Variants in B4GALNT4 observed in about 807,000 individuals in gnomAD.
B4GALNT4 encodes the protein N-acetyl-beta-glucosaminyl-glycoprotein 4-beta-N-acetylgalactosaminyltransferase 1.
B4GALNT4 carries 77 observed loss-of-function variants against 110.0 expected under a neutral mutation model. The observed-to-expected ratio is 0.70, with a 90% CI of 0.58 to 0.85. B4GALNT4 has a LOEUF of 0.85. Ranked by LOEUF, B4GALNT4 falls within the 40% of genes least tolerant of loss-of-function variation. The pLI, the probability that B4GALNT4 is intolerant of heterozygous loss-of-function variation, is 0.00. For synonymous variants in B4GALNT4, 785 were observed against 655.5 expected, an observed-to-expected ratio of 1.20 and a Z score of -3.02; for missense variants, 1,575 against 1,506.0, an observed-to-expected ratio of 1.05 and a Z score of -0.76.
At chr11:371,719 CT>C (rs1846621729) in intron 1 of B4GALNT4, among the ~76,000 whole-genome samples, 1 of 152,238 alleles carries the variant, frequency 6.6e-6, no homozygotes, top group Non-Finnish European at 1.5e-5. Context: ...AGAGAAAGTG[CT>C]GAGGGCACAG....
chr11:380,182 G>A lies in B4GALNT4; in HGVS notation c.2695G>A (p.Ala899Thr). The A allele has an allele frequency of 6.2e-7, 1 of 1,603,762 alleles. No homozygotes were observed. The highest frequency in any genetic ancestry group is 2.2e-5 in the East Asian group (1 of 44,614). The change falls in exon 17 of 20, where the codon GCG becomes ACG. Residue 899 changes from alanine (A) to threonine (T), a missense_variant. Physicochemically the swap from Ala to Thr is moderately conservative, Grantham distance 58 (BLOSUM62 0). Coordinates refer to ENST00000329962, the MANE Select transcript of B4GALNT4 (RefSeq NM_178537.5). The stretch of plus-strand genomic sequence containing the variant: ...CTTCGAGCGCTCCGCCGGGCTGCAG[G>A]CGGGAGTGGACGCGGTAGAGGTCCG... ...GNFERSAGLQ[A>T]GVDAVEDASS...
rs1474400085 is a variant in B4GALNT4, at chr11:379,589, A to G, written c.2376A>G (p.Glu792=). The G allele has an allele frequency of 6.3e-7, 1 of 1,581,024 alleles. No homozygotes were observed. The highest frequency in any genetic ancestry group is 1.8e-5 in the Admixed American group (1 of 55,532). ...PGARVGDADG[E]SPEPAPAASV... is the part of the protein sequence containing the mutation. ...CCCGCGTAGGGGATGCAGACGGAGA[A>G]AGTCCCGAACCCGCTCCCGCCGCCT... is the stretch of plus-strand genomic sequence containing the variant. Residue 792 remains glutamate, a synonymous_variant, in exon 15 of 20, where the codon GAA becomes GAG. Coordinates refer to ENST00000329962, the MANE Select transcript of B4GALNT4 (RefSeq NM_178537.5).
chr11:378,512 G>A (rs1313531715), intron 14 of B4GALNT4, among the ~76,000 whole-genome samples: 3 of 152,200 alleles, frequency 2.0e-5, no homozygotes, highest in Non-Finnish European at 2.9e-5. Flanking sequence ...GGGGCAGGAG[G>A]TCCCTGACAC....
In B4GALNT4 at chr11:376,518, AGCCCCC is replaced by A; in HGVS notation, c.1400_1405del (p.Pro467_Ala468del). 1 of 1,376,270 alleles carries A rather than the reference AGCCCCC, an allele frequency of 7.3e-7. No homozygotes were observed. The highest frequency in any genetic ancestry group is 1.6e-5 in the African/African-American group (1 of 63,324). The allele number at this position is 1,376,270 out of a possible 1,614,324, so 85.3% of individuals were successfully genotyped here. A position where few individuals can be genotyped will look rare whatever the true frequency, so the allele number is the denominator to read the frequency against. ...GCGGCCCCCAGTCCCCCGCCCCAGCAGCCCCCGCCCAGCCCGGAGCCACCCTCGCCC... is the reference window on the plus strand; with the variant it reads ...GCGGCCCCCAGTCCCCCGCCCCAGCAGCCCAGCCCGGAGCCACCCTCGCCC... On this transcript the variant is annotated inframe_deletion, in exon 14 of 20. Coordinates refer to ENST00000329962, the MANE Select transcript of B4GALNT4 (RefSeq NM_178537.5).
rs144647644 is a variant in B4GALNT4 at position 373,809 on chromosome 11, C to G, written c.764C>G (p.Ser255Trp). Reference sequence around the variant, plus strand: ...CTGCACAAGCAGGACGACCGCGGCTCGGACCACGTGGAAGTGGGCGTGAGT... The same window carrying G: ...CTGCACAAGCAGGACGACCGCGGCTGGGACCACGTGGAAGTGGGCGTGAGT... ...ELLHKQDDRG[S>W]DHVEVGWRAF... Residue 255 changes from serine (S) to tryptophan (W), a missense_variant, in exon 8 of 20, where the codon TCG becomes TGG. Coordinates refer to ENST00000329962, the MANE Select transcript of B4GALNT4 (RefSeq NM_178537.5). 1 of 1,612,050 alleles carries G rather than the reference C, an allele frequency of 6.2e-7. No homozygotes were observed.
Position 376,865 on chromosome 11 carries a change from G to A in B4GALNT4, c.1742G>A (p.Gly581Asp). 2.3e-6 allele frequency: 3 copies of A among 1,322,340 alleles called. No homozygotes were observed. The highest frequency in any genetic ancestry group is 1.9e-6 in the Non-Finnish European group (2 of 1,039,152). The allele number at this position is 1,322,340 out of a possible 1,614,324, so 81.9% of individuals were successfully genotyped here. ...PPRPHGRRTG[G>D]PQATQPRPPA... ...CGGCCCCACGGCCGCAGGACCGGCGGCCCCCAGGCCACACAGCCGAGGCCC... is the reference window on the plus strand; with the variant it reads ...CGGCCCCACGGCCGCAGGACCGGCGACCCCCAGGCCACACAGCCGAGGCCC... The change falls in exon 14 of 20, where the codon GGC becomes GAC. Residue 581 changes from glycine (G) to aspartate (D), a missense_variant. Transcript: ENST00000329962.
rs116005810 is a variant in B4GALNT4, at chr11:373,137, C to T, written c.535+21C>T. ...GGACGGTACGGGGGTGAGGGTGCCC[C>T]GGGGGAGGGGTGCCGTGAGGCTCCA... On this transcript the variant is annotated intron_variant, in intron 5 of 19. Transcript: ENST00000329962. 4,302 of 1,612,366 alleles carry T rather than the reference C, an allele frequency of 2.7e-3. 110 individuals are homozygous for T. In the African/African-American group the frequency reaches 0.049, roughly 18 times the overall value.
Position 380,873 on chromosome 11 carries a change from A to G in B4GALNT4, c.2918A>G (p.Asp973Gly), listed in dbSNP as rs1846862372. 6.2e-7 allele frequency: 1 copy of G among 1,613,582 alleles called. No homozygotes were observed. The highest frequency in any genetic ancestry group is 1.1e-5 in the South Asian group (1 of 91,076). The change falls in exon 19 of 20, where the codon GAC becomes GGC. Residue 973 changes from aspartate to glycine, a missense_variant. By Grantham distance (94) the Asp-to-Gly change is moderately conservative (BLOSUM62 -1). Transcript: ENST00000329962. ...GGCCTTTTTGGGATCTACAAGTCGG[A>G]CTTTGACCGGGTTGGAGGAATGAAC... ...GFGLFGIYKSDFDRVGGMNTE... is the reference protein window; with the variant it reads ...GFGLFGIYKSGFDRVGGMNTE...
chr11:378,640 G>A (rs1214912262), intron 14 of B4GALNT4, among the ~76,000 whole-genome samples: 2 of 152,206 alleles, frequency 1.3e-5, no homozygotes, highest in East Asian at 1.9e-4. Flanking sequence ...ACGTGAGGCC[G>A]ACTGAAGAGA....
intron 14 of B4GALNT4, among the ~76,000 whole-genome samples, chr11:379,070 C>A (rs1846817281): frequency 6.6e-6 from 1 of 152,224 alleles, no homozygotes; most frequent in South Asian, 2.1e-4. Context: ...GAACCTTGTC[C>A]TATGGGCGGT....
Position 373,820 on chromosome 11 carries a change from G to T in B4GALNT4, c.775G>T (p.Glu259Ter). ...GGACGACCGCGGCTCGGACCACGTG[G>T]AAGTGGGCGTGAGTGCCTTCCTCCC... ...KQDDRGSDHV[E>*]VGWRAFLPGL... The change falls in exon 8 of 20, where the codon GAA becomes TAA. Residue 259 changes from glutamate (E) to a stop codon, truncating the protein, a stop_gained. Coordinates refer to ENST00000329962, the MANE Select transcript of B4GALNT4 (RefSeq NM_178537.5). LOFTEE classifies it high-confidence loss of function. 1 of 1,611,874 alleles carries T rather than the reference G, an allele frequency of 6.2e-7. No individual in the cohort carries two copies. The highest frequency in any genetic ancestry group is 8.5e-7 in the Non-Finnish European group (1 of 1,179,800).
At chr11:370,383 C>T (rs1453480049) in intron 1 of B4GALNT4, among the ~76,000 whole-genome samples, 1 of 152,128 alleles carries the variant, frequency 6.6e-6, no homozygotes, top group Non-Finnish European at 1.5e-5. Context: ...CCTCAGTTTC[C>T]CTGTGTGCTG....
chr11:381,885 G>T lies in B4GALNT4; in HGVS notation c.*93G>T. The T allele has an allele frequency of 7.3e-7, 1 of 1,375,828 alleles. No homozygotes were observed. Among genetic ancestry groups the T allele is most frequent in the Non-Finnish European group, 9.5e-7 (1 of 1,053,624 alleles). 85.2% of individuals were successfully genotyped at this position (1,375,828 alleles called of 1,614,324 possible). ...CGGTCCCGAGAGACCCGGCAGGGCTGGTCAGAGGGGCACAGCCACCGCCTG... is the reference window on the plus strand; with the variant it reads ...CGGTCCCGAGAGACCCGGCAGGGCTTGTCAGAGGGGCACAGCCACCGCCTG... On this transcript the variant is annotated 3_prime_UTR_variant, in exon 20 of 20. Coordinates refer to ENST00000329962, the MANE Select transcript of B4GALNT4 (RefSeq NM_178537.5).
rs774288341 is a variant in B4GALNT4 at position 380,848 on chromosome 11, G to A, written c.2893G>A (p.Gly965Ser). The stretch of plus-strand genomic sequence containing the variant: ...AGGTTACTGGGAGGTGAACGGCTTT[G>A]GCCTTTTTGGGATCTACAAGTCGGA... ...PHGYWEVNGF[G>S]LFGIYKSDFD... Residue 965 changes from glycine to serine, a missense_variant, in exon 19 of 20, where the codon GGC becomes AGC. By Grantham distance (56) the Gly-to-Ser change is moderately conservative. Transcript: ENST00000329962. The A allele has an allele frequency of 1.2e-6, 2 of 1,613,790 alleles. No individual in the cohort carries two copies. Among genetic ancestry groups the A allele is most frequent in the Non-Finnish European group, 1.7e-6 (2 of 1,179,872 alleles).
At chr11:380,706 G>GC (rs1165684332) in intron 18 of B4GALNT4, 119 bp from the exon 19 acceptor site, 5 of 1,509,732 alleles carry the variant, frequency 3.3e-6, no homozygotes, top group Non-Finnish European at 4.6e-6. Context: ...ACTCCCGGAA[G>GC]CCCCCGTGGT....
intron 6 of B4GALNT4, 30 bp from the exon 7 acceptor site, chr11:373,419 C>CCGCGA: frequency 9.3e-7 from 1 of 1,080,028 alleles, no homozygotes; most frequent in Non-Finnish European, 1.3e-6. Flanking sequence ...CCCCCCCCCC[C>CCGCGA]ACCACCACCC....
At chr11:370,311 C>T (rs1846594860) in intron 1 of B4GALNT4, among the ~76,000 whole-genome samples, 1 of 152,134 alleles carries the variant, frequency 6.6e-6, no homozygotes, top group Non-Finnish European at 1.5e-5. Context: ...CCCCTAGACC[C>T]TGCTGAGGCT....
Position 376,422 on chromosome 11 carries a change from C to A in B4GALNT4, c.1299C>A (p.Asp433Glu). Residue 433 changes from aspartate (D) to glutamate (E), a missense_variant and splice_region_variant, in exon 14 of 20, where the codon GAC becomes GAA. Coordinates refer to ENST00000329962, the MANE Select transcript of B4GALNT4 (RefSeq NM_178537.5). ...RRAFLFLNPD[D>E]FLDDEDEGEL... is the part of the protein sequence containing the mutation. ...GCTTCTAACCCGCGTTTCCCGCAGA[C>A]TTCCTGGACGACGAGGACGAGGGGG... 1 of 1,599,714 alleles carries A rather than the reference C, an allele frequency of 6.3e-7. No individual in the cohort carries two copies. The highest frequency in any genetic ancestry group is 1.1e-5 in the South Asian group (1 of 90,914).
At position 379,931 on chromosome 11, in the gene B4GALNT4, G is replaced by A. The variant is rs1305826768; in HGVS notation, c.2554G>A (p.Gly852Arg). ...ADMAALHART[G>R]DSRFSVVLVD... is the part of the protein sequence containing the mutation. ...CATGGCTGCGCTGCACGCGCGCACC[G>A]GGGACTCGCGTTTCAGCGTCGTCCT... Residue 852 changes from glycine to arginine, a missense_variant, in exon 16 of 20, where the codon GGG becomes AGG. Physicochemically the swap from Gly to Arg is moderately radical, Grantham distance 125. Coordinates refer to ENST00000329962, the MANE Select transcript of B4GALNT4 (RefSeq NM_178537.5). The A allele has an allele frequency of 6.2e-7, 1 of 1,610,842 alleles. No homozygotes were observed. Among genetic ancestry groups the A allele is most frequent in the Non-Finnish European group, 8.5e-7 (1 of 1,179,648 alleles).
Sources: allele counts gnomAD v4.1 joint callset (sites outside exome capture counted in the v4.1 genomes callset), GRCh38; gene constraint gnomAD v4.1.1; transcripts MANE v1.5; gene names NCBI Gene and HGNC (gene_info 2026-07-23, HGNC 2026-07-21).